CNTN1: variants seen among roughly 807,000 people sequenced by gnomAD.
CNTN1 encodes the protein contactin 1, also known as contactin-1.
Under a neutral mutation model 126.4 loss-of-function variants are expected in CNTN1, and 38 were observed. The ratio of observed to expected loss-of-function variants is 0.30; its 90% CI spans 0.23 to 0.39. CNTN1 has a LOEUF of 0.39. Among genes scored for constraint, CNTN1 ranks in the 10% least tolerant of loss-of-function variants. The pLI, the probability that CNTN1 is intolerant of heterozygous loss-of-function variation, is 1.00. For missense variants in CNTN1, 1,009 were observed against 1,248.4 expected (o/e 0.81, Z 2.89); for synonymous variants, 413 against 422.6 (o/e 0.98, Z 0.28).
intron 1 of CNTN1, among the ~76,000 whole-genome samples, chr12:40,816,350 G>A (rs1941255382): frequency 6.6e-6 from 1 of 152,078 alleles, no homozygotes; most frequent in Non-Finnish European, 1.5e-5. Context: ...TCTATTCAGG[G>A]ATTCAAATTC....
intron 1 of CNTN1, among the ~76,000 whole-genome samples, chr12:40,693,354 C>T (rs1194574557): frequency 6.6e-6 from 1 of 152,102 alleles, no homozygotes; most frequent in East Asian, 1.9e-4. Context: ...CAGGGATTTC[C>T]AGGGAGTCAA....
At chr12:40,864,561 A>C (rs758149396) in intron 1 of CNTN1, among the ~76,000 whole-genome samples, 11 of 152,170 alleles carry the variant, frequency 7.2e-5, no homozygotes, top group Middle Eastern at 3.4e-3. Context: ...TATTCTGGAC[A>C]CTTCATGTGA....
intron 1 of CNTN1, among the ~76,000 whole-genome samples, chr12:40,797,873 G>T (rs1479076154): frequency 6.6e-6 from 1 of 152,056 alleles, no homozygotes; most frequent in East Asian, 1.9e-4. Context: ...GTGGAGACTG[G>T]TCCCATTAAC....
chr12:40,991,745 G>A (rs559873945), intron 16 of CNTN1, among the ~76,000 whole-genome samples: 8 of 152,232 alleles, frequency 5.3e-5, no homozygotes, highest in Admixed American at 6.5e-5. Flanking sequence ...GGAGAATGGC[G>A]TGAACCCAGG....
intron 15 of CNTN1, among the ~76,000 whole-genome samples, chr12:40,962,220 A>G (rs1413875560): frequency 6.6e-6 from 1 of 152,032 alleles, no homozygotes; most frequent in Non-Finnish European, 1.5e-5. Flanking sequence ...AATACATAGT[A>G]AGAACAGTGT....
intron 1 of CNTN1, among the ~76,000 whole-genome samples, chr12:40,842,115 G>T (rs1043713983): frequency 1.3e-5 from 2 of 152,054 alleles, no homozygotes; most frequent in African/African-American, 4.8e-5. Context: ...CACTTTGCTT[G>T]AGTATGGAAA....
intron 1 of CNTN1, among the ~76,000 whole-genome samples, chr12:40,806,709 A>G (rs182426150): frequency 3.7e-4 from 56 of 152,214 alleles, no homozygotes; most frequent in African/African-American, 1.3e-3. Context: ...GCCTCTGCAG[A>G]TCTTTAAAAT....
chr12:40,894,253 C>T (rs1944331142), intron 1 of CNTN1, among the ~76,000 whole-genome samples: 1 of 152,104 alleles, frequency 6.6e-6, no homozygotes, highest in Admixed American at 6.5e-5. Flanking sequence ...ACCTACATTG[C>T]AAGTGATACT....
rs182854587 is a variant in CNTN1, at chr12:41,014,444, A to G, written c.2184+146A>G. The G allele has an allele frequency of 6.0e-6, 5 of 827,354 alleles. No individual in the cohort carries two copies. The Admixed American group carries it at 6.5e-5, about 11-fold the overall frequency. 51.3% of individuals were successfully genotyped at this position (827,354 alleles called of 1,614,324 possible). A position where few individuals can be genotyped will look rare whatever the true frequency, so the allele number is the denominator to read the frequency against. ...ATTACTATTTTTTTTTCTTAAATGCAAATCAGATTTTATCTGGCTTACTGT... is the reference window on the plus strand; with the variant it reads ...ATTACTATTTTTTTTTCTTAAATGCGAATCAGATTTTATCTGGCTTACTGT... On this transcript the variant is annotated intron_variant, in intron 18 of 23. Coordinates refer to ENST00000551295, the MANE Select transcript of CNTN1 (RefSeq NM_001843.4).
At chr12:40,991,689 C>G (rs1034140558) in intron 16 of CNTN1, among the ~76,000 whole-genome samples, 3 of 152,020 alleles carry the variant, frequency 2.0e-5, no homozygotes, top group Non-Finnish European at 4.4e-5. Flanking sequence ...TTAGCCGGGC[C>G]TGGTGGCATA....
chr12:40,948,840 A>G (rs1490547370), intron 14 of CNTN1, among the ~76,000 whole-genome samples: 1 of 152,280 alleles, frequency 6.6e-6, no homozygotes, highest in East Asian at 1.9e-4. Context: ...ACTGTTGGCC[A>G]CCTTTGCAAT....
At chr12:40,800,668 G>A (rs946985125) in intron 1 of CNTN1, among the ~76,000 whole-genome samples, 1 of 152,060 alleles carries the variant, frequency 6.6e-6, no homozygotes, top group Admixed American at 6.6e-5. Flanking sequence ...AAGGTTAAAG[G>A]CATAAAGCGT....
chr12:40,971,369 C>A, intron 15 of CNTN1: 1 of 1,380,596 alleles, frequency 7.2e-7, no homozygotes, highest in Non-Finnish European at 1.0e-6. Flanking sequence ...CCCCCAAGTG[C>A]ATGGCTTCCT....
chr12:40,718,136 T>G (rs1942094881), intron 1 of CNTN1, among the ~76,000 whole-genome samples: 2 of 152,174 alleles, frequency 1.3e-5, no homozygotes, highest in South Asian at 4.2e-4. Context: ...GCTGAATAAT[T>G]GTAAGGATAT....
chr12:40,871,858 C>T (rs1943510399), intron 1 of CNTN1, among the ~76,000 whole-genome samples: 1 of 151,606 alleles, frequency 6.6e-6, no homozygotes, highest in Non-Finnish European at 1.5e-5. Flanking sequence ...GATTTTTTGG[C>T]CAACTATGAG....
intron 15 of CNTN1, 23 bp from the exon 16 acceptor site, chr12:40,980,886 C>G (rs76410989): frequency 6.8e-6 from 11 of 1,611,306 alleles, no homozygotes; most frequent in East Asian, 2.2e-5. Flanking sequence ...TTCACTGATT[C>G]ATTACCCACA....
chr12:40,796,205 T>G (rs1940420715), intron 1 of CNTN1, among the ~76,000 whole-genome samples: 1 of 152,046 alleles, frequency 6.6e-6, no homozygotes, highest in African/African-American at 2.4e-5. Flanking sequence ...AGGAGGCTAC[T>G]GGCTTAACCA....
chr12:40,904,370 C>CTTCCTTTCT (rs1325704521), intron 1 of CNTN1, among the ~76,000 whole-genome samples: 3 of 137,126 alleles, frequency 2.2e-5, no homozygotes, highest in African/African-American at 9.1e-5. Context: ...CCTTCCTTTC[C>CTTCCTTTCT]TTCCTTCCTT....
intron 1 of CNTN1, among the ~76,000 whole-genome samples, chr12:40,844,766 ATAGT>A (rs1204702010): frequency 6.6e-6 from 1 of 152,160 alleles, no homozygotes; most frequent in African/African-American, 2.4e-5. Flanking sequence ...AAAAGCATAA[ATAGT>A]TAAAAGTGTA....
Sources: allele counts gnomAD v4.1 joint callset (sites outside exome capture counted in the v4.1 genomes callset), GRCh38; gene constraint gnomAD v4.1.1; transcripts MANE v1.5; gene names NCBI Gene and HGNC (gene_info 2026-07-23, HGNC 2026-07-21).